PVALB: variants seen among roughly 807,000 people sequenced by gnomAD.
PVALB encodes parvalbumin.
In PVALB, 11 loss-of-function variants were observed where a neutral mutation model predicts 10.9. The observed-to-expected ratio is 1.01, with a 90% CI of 0.63 to 1.67. The LOEUF (loss-of-function observed/expected upper bound fraction) is 1.67. Among genes scored for constraint, PVALB ranks in the 40% most tolerant of loss-of-function variants. The pLI is 0.00. For synonymous variants in PVALB, 57 were observed against 50.7 expected, an observed-to-expected ratio of 1.12 and a Z score of -0.53; for missense variants, 131 against 136.2, an observed-to-expected ratio of 0.96 and a Z score of 0.19.
intron 3 of PVALB, chr22:36,811,500 G>C (rs752957778): frequency 2.1e-6 from 1 of 470,554 alleles, no homozygotes; most frequent in Admixed American, 2.4e-5. Context: ...GCACAGAGTT[G>C]CTACTCAGTC....
Position 36,817,031 on chromosome 22 carries a change from C to G in PVALB, c.-26G>C. The G allele has an allele frequency of 6.2e-7, 1 of 1,601,408 alleles. No individual in the cohort carries two copies. Among genetic ancestry groups the G allele is most frequent in the Non-Finnish European group, 8.5e-7 (1 of 1,172,820 alleles). On this transcript the variant is annotated 5_prime_UTR_variant, in exon 1 of 4. Coordinates refer to ENST00000417718, the MANE Select transcript of PVALB (RefSeq NM_001315532.2). The stretch of plus-strand genomic sequence containing the variant: ...CCTGCAACTGTTTGAGCGGGCAGAG[C>G]AAGTGCGAAAAGATTAAAAAGTGCT...
chr22:36,802,399 G>A (rs903196511), intron 3 of PVALB, among the ~76,000 whole-genome samples: 1 of 151,678 alleles, frequency 6.6e-6, no homozygotes, highest in Non-Finnish European at 1.5e-5. Context: ...TCAAGAGATC[G>A]AGACTATCCT....
At chr22:36,807,851 G>A (rs1233058872) in intron 3 of PVALB, among the ~76,000 whole-genome samples, 1 of 152,166 alleles carries the variant, frequency 6.6e-6, no homozygotes, top group Non-Finnish European at 1.5e-5. Flanking sequence ...GGATAAAAGG[G>A]AACAGATTTT....
chr22:36,814,421 G>A (rs1221125911), intron 2 of PVALB, among the ~76,000 whole-genome samples: 1 of 152,092 alleles, frequency 6.6e-6, no homozygotes, highest in Non-Finnish European at 1.5e-5. Flanking sequence ...GTCCCTACTT[G>A]AAAGGCCTCT....
intron 3 of PVALB, among the ~76,000 whole-genome samples, chr22:36,804,126 G>A (rs1457246497): frequency 2.0e-5 from 3 of 152,190 alleles, no homozygotes; most frequent in African/African-American, 7.2e-5. Context: ...GGGGAAGCTG[G>A]TCCTCTCTGT....
At chr22:36,812,376 T>A (rs1939059716) in intron 3 of PVALB, among the ~76,000 whole-genome samples, 1 of 152,168 alleles carries the variant, frequency 6.6e-6, no homozygotes, top group Non-Finnish European at 1.5e-5. Context: ...AAGTTTTACA[T>A]CCACTTATAT....
chr22:36,818,884 C>G (rs930712481), upstream of PVALB: 1 of 152,374 alleles, frequency 6.6e-6, no homozygotes, highest in Admixed American at 6.5e-5. Context: ...TCTATCAGGT[C>G]CCATACATCT....
chr22:36,818,926 A>G (rs1012867941), upstream of PVALB: 1 of 152,324 alleles, frequency 6.6e-6, no homozygotes, highest in African/African-American at 2.4e-5. Flanking sequence ...TGAGCCCCTA[A>G]GCAGCTACCC....
At chr22:36,814,819 A>G (rs928812803) in intron 2 of PVALB, among the ~76,000 whole-genome samples, 6 of 152,212 alleles carry the variant, frequency 3.9e-5, no homozygotes, top group African/African-American at 1.4e-4. Context: ...CTTCATTTGC[A>G]TTAAATTATT....
chr22:36,801,175 A>G (rs189395094), intron 3 of PVALB, among the ~76,000 whole-genome samples: 1 of 152,338 alleles, frequency 6.6e-6, no homozygotes, highest in Admixed American at 6.5e-5. Context: ...ATTAATAATA[A>G]CTACACTAAT....
chr22:36,812,795 C>T (rs573824288), intron 3 of PVALB, among the ~76,000 whole-genome samples: 41 of 152,322 alleles, frequency 2.7e-4, no homozygotes, highest in African/African-American at 9.1e-4. Context: ...GTTCTAAATC[C>T]CCACTCCACC....
chr22:36,815,157 A>G lies in PVALB; in HGVS notation c.140T>C (p.Val47Ala), dbSNP rs1414452873. Reference protein sequence around the residue: ...KKKSADDVKKVFHMLDKDKSG... With the variant: ...KKKSADDVKKAFHMLDKDKSG... Reference sequence around the variant, plus strand: ...TTTGTCCTTGTCCAGCATGTGAAACACCTTCTTCACATCATCCGCACTCTT... The same window carrying G: ...TTTGTCCTTGTCCAGCATGTGAAACGCCTTCTTCACATCATCCGCACTCTT... Residue 47 changes from valine to alanine, a missense_variant, in exon 2 of 4, where the codon GTG becomes GCG. Coordinates refer to ENST00000417718, the MANE Select transcript of PVALB (RefSeq NM_001315532.2). The G allele has an allele frequency of 6.2e-7, 1 of 1,614,058 alleles. No homozygotes were observed. The highest frequency in any genetic ancestry group is 1.7e-5 in the Admixed American group (1 of 60,006).
chr22:36,807,462 G>A (rs1482546662), intron 3 of PVALB, among the ~76,000 whole-genome samples: 4 of 152,150 alleles, frequency 2.6e-5, no homozygotes, highest in East Asian at 1.9e-4. Flanking sequence ...CAGGGAGAAC[G>A]GCAAATTCTC....
At chr22:36,813,822 G>A (rs1457241607) in intron 2 of PVALB, 67 bp from the exon 3 acceptor site, 3 of 1,225,446 alleles carry the variant, frequency 2.4e-6, no homozygotes, top group African/African-American at 3.0e-5. Context: ...GACGCTGGAT[G>A]GAGGGTGGTC....
intron 1 of PVALB, chr22:36,816,312 G>C (rs1281534175): frequency 6.6e-6 from 1 of 152,482 alleles, no homozygotes; most frequent in African/African-American, 2.4e-5. Flanking sequence ...CGGGCAGCTG[G>C]GAGAGGTGAG....
intron 3 of PVALB, among the ~76,000 whole-genome samples, chr22:36,808,114 C>G (rs983116807): frequency 1.3e-5 from 2 of 152,216 alleles, no homozygotes; most frequent in African/African-American, 2.4e-5. Context: ...CGGATCTTCT[C>G]TGCAGCAAGA....
At chr22:36,803,198 CA>C (rs1397796368) in intron 3 of PVALB, among the ~76,000 whole-genome samples, 1 of 152,148 alleles carries the variant, frequency 6.6e-6, no homozygotes, top group Non-Finnish European at 1.5e-5. Context: ...TGACATGATT[CA>C]AGCTAGAAAT....
In PVALB at chr22:36,815,403, T is replaced by A. The variant is rs182274682; in HGVS notation, c.62-168A>T. On this transcript the variant is annotated intron_variant, in intron 1 of 3. Transcript: ENST00000417718. ...CTGAGGGAGCCCGGGCAAGGGAGGA[T>A]AACCTGTCCAAGGTCACAAGGCTGG... 2,418 of 889,204 alleles carry A rather than the reference T, an allele frequency of 2.7e-3. 6 individuals are homozygous for A. The highest frequency in any genetic ancestry group is 3.2e-3 in the Non-Finnish European group (1,903 of 590,168). 55.1% of individuals were successfully genotyped at this position (889,204 alleles called of 1,614,324 possible).
intron 3 of PVALB, among the ~76,000 whole-genome samples, chr22:36,813,045 C>T (rs1285329893): frequency 6.6e-6 from 1 of 152,158 alleles, no homozygotes; most frequent in Non-Finnish European, 1.5e-5. Flanking sequence ...TGTCTGAATT[C>T]CCCACTGATT....
Sources: gnomAD v4.1 joint callset for allele counts (sites outside exome capture counted in the v4.1 genomes callset) on GRCh38, gnomAD v4.1.1 for gene constraint, MANE v1.5 for transcripts, NCBI Gene and HGNC (gene_info 2026-07-23, HGNC 2026-07-21) for gene names.